Variants in CMIP observed in about 807,000 individuals in gnomAD.
The protein encoded by CMIP is C-Maf-inducing protein.
CMIP carries 13 observed loss-of-function variants against 97.3 expected under a neutral mutation model. The ratio of observed to expected loss-of-function variants is 0.13; its 90% CI spans 0.09 to 0.21. The LOEUF (loss-of-function observed/expected upper bound fraction) is 0.21, where lower values mean the gene tolerates loss of function less well. Ranked by LOEUF, CMIP falls within the 10% of genes least tolerant of loss-of-function variation. The pLI, the probability that CMIP is intolerant of heterozygous loss-of-function variation, is 1.00. For synonymous variants in CMIP, 538 were observed against 436.3 expected (o/e 1.23, Z -2.91); for missense variants, 847 against 1,024.9 (o/e 0.83, Z 2.37).
At chr16:81,495,435 A>C in intron 1 of CMIP, 2 of 1,608,692 alleles carry the variant, frequency 1.2e-6, no homozygotes, top group Non-Finnish European at 8.5e-7. Context: ...GTTTCCTGCG[A>C]GGAGGGAAGT....
chr16:81,650,217 C>T (rs950764237), intron 3 of CMIP, among the ~76,000 whole-genome samples: 4 of 152,340 alleles, frequency 2.6e-5, no homozygotes, highest in African/African-American at 9.6e-5. Context: ...CAATGGCTGG[C>T]AAGTGAATGT....
chr16:81,581,862 C>CT (rs1166948900), intron 1 of CMIP, among the ~76,000 whole-genome samples: 15 of 152,282 alleles, frequency 9.9e-5, no homozygotes, highest in African/African-American at 3.6e-4. Flanking sequence ...GCAGAGGGGC[C>CT]TTGTATTAAT....
intron 2 of CMIP, among the ~76,000 whole-genome samples, chr16:81,615,529 TTG>T (rs1305952314): frequency 1.3e-4 from 19 of 142,492 alleles, no homozygotes; most frequent in Admixed American, 1.0e-3. Flanking sequence ...GTATGTGTTT[TTG>T]TGTGTGGTAT....
In CMIP at chr16:81,614,963, TTG is replaced by T. The variant is rs2091890333; in HGVS notation, c.427-5908_427-5907del. 6.6e-6 allele frequency among the ~76,000 whole-genome samples: 1 copy of T among 150,380 alleles called. No individual in the cohort carries two copies. Among genetic ancestry groups the T allele is most frequent in the African/African-American group, 2.5e-5 (1 of 40,734 alleles). On this transcript the variant is annotated intron_variant, in intron 2 of 20. Transcript: ENST00000537098. The surrounding 1 kb of genome is among the most constrained non-coding windows in gnomAD (Gnocchi z 5.3). ...GTGGTGTGTGCATGTGTGTGGTGTGTTGTGTGATATGTGACGTGTGTGTGTGG... is the reference window on the plus strand; with the variant it reads ...GTGGTGTGTGCATGTGTGTGGTGTGTTGTGATATGTGACGTGTGTGTGTGG...
chr16:81,489,724 AG>A (rs1476542560), intron 1 of CMIP, among the ~76,000 whole-genome samples: 1 of 152,026 alleles, frequency 6.6e-6, no homozygotes, highest in Non-Finnish European at 1.5e-5. Context: ...TCGTTCAGGG[AG>A]GGGGAGAGAG....
intron 1 of CMIP, among the ~76,000 whole-genome samples, chr16:81,563,143 G>T (rs1461786371): frequency 1.3e-5 from 2 of 152,258 alleles, no homozygotes; most frequent in Non-Finnish European, 2.9e-5. Context: ...CATCTGCCAA[G>T]AGGGGGCTTT....
At chr16:81,565,700 G>T (rs926291188) in intron 1 of CMIP, among the ~76,000 whole-genome samples, 14 of 152,138 alleles carry the variant, frequency 9.2e-5, no homozygotes, top group African/African-American at 3.1e-4. Flanking sequence ...GGGGCAGGGA[G>T]TGACACAAAG....
chr16:81,512,297 G>GC (rs1567551818), intron 1 of CMIP, among the ~76,000 whole-genome samples: 1 of 152,064 alleles, frequency 6.6e-6, no homozygotes, highest in Non-Finnish European at 1.5e-5. Context: ...TCATGCCTTG[G>GC]TGGGGGTCTT....
intron 3 of CMIP, among the ~76,000 whole-genome samples, chr16:81,622,966 G>A (rs899367311): frequency 1.3e-5 from 2 of 152,252 alleles, no homozygotes; most frequent in African/African-American, 4.8e-5. Flanking sequence ...CACTTTGGGA[G>A]GCCAAAGCAG....
chr16:81,553,388 G>A (rs1336122194), intron 1 of CMIP, among the ~76,000 whole-genome samples: 1 of 152,194 alleles, frequency 6.6e-6, no homozygotes. Context: ...AGCAGGACTG[G>A]GCAGGCTGGG....
chr16:81,641,284 T>A (rs1404455195), intron 3 of CMIP, among the ~76,000 whole-genome samples: 1 of 152,160 alleles, frequency 6.6e-6, no homozygotes, highest in African/African-American at 2.4e-5. Context: ...CACTGCCTGT[T>A]CTACCTGCAA....
chr16:81,552,055 C>T (rs867416631), intron 1 of CMIP, among the ~76,000 whole-genome samples: 12 of 152,164 alleles, frequency 7.9e-5, no homozygotes, highest in East Asian at 1.9e-4. Flanking sequence ...GGGAGCCCAG[C>T]GCTGGCAGCT....
chr16:81,502,227 C>G (rs991383955), intron 1 of CMIP, among the ~76,000 whole-genome samples: 1 of 152,226 alleles, frequency 6.6e-6, no homozygotes, highest in Non-Finnish European at 1.5e-5. Flanking sequence ...TGCAGCATAA[C>G]AAGGATTAGG....
At chr16:81,523,601 G>T (rs561954235) in intron 1 of CMIP, among the ~76,000 whole-genome samples, 1 of 152,340 alleles carries the variant, frequency 6.6e-6, no homozygotes. Flanking sequence ...CAGCCCAACC[G>T]TGGTTGCCTC....
chr16:81,705,590 T>C lies in CMIP; in HGVS notation c.2183T>C (p.Leu728Pro). The change falls in exon 19 of 21, where the codon CTG becomes CCG. Residue 728 changes from leucine to proline, a missense_variant. Coordinates refer to ENST00000537098, the MANE Select transcript of CMIP (RefSeq NM_198390.3). ...GAGACCCCGGTCACAGACGCTGGCC[T>C]GCTGGCCCTGAGCTGTGAGTGCCTC... The part of the protein sequence containing the change: ...LCETPVTDAG[L>P]LALSSMKSLC... The C allele has an allele frequency of 6.2e-7, 1 of 1,601,954 alleles. No homozygotes were observed. The highest frequency in any genetic ancestry group is 1.1e-5 in the South Asian group (1 of 89,118).
intron 1 of CMIP, among the ~76,000 whole-genome samples, chr16:81,604,860 G>T (rs1320755208): frequency 6.6e-6 from 1 of 152,156 alleles, no homozygotes; most frequent in Non-Finnish European, 1.5e-5. Context: ...TGTGGGTGGT[G>T]CTTACAGTTA....
intron 1 of CMIP, among the ~76,000 whole-genome samples, chr16:81,490,969 G>C (rs2089395995): frequency 6.6e-6 from 1 of 152,100 alleles, no homozygotes; most frequent in Admixed American, 6.5e-5. Flanking sequence ...TGGCTGTGTG[G>C]AGGCTCCAAG....
At chr16:81,694,827 A>T (rs938141457) in intron 13 of CMIP, among the ~76,000 whole-genome samples, 6 of 152,184 alleles carry the variant, frequency 3.9e-5, no homozygotes, top group Non-Finnish European at 4.4e-5. Flanking sequence ...AAACACCGCA[A>T]TTCTAAACAC....
intron 1 of CMIP, among the ~76,000 whole-genome samples, chr16:81,535,403 G>T (rs1354880164): frequency 6.6e-6 from 1 of 150,926 alleles, no homozygotes; most frequent in Admixed American, 6.6e-5. Context: ...CGTGGGCTGT[G>T]TCTCATGATG....
Sources: gnomAD v4.1 joint callset for allele counts (sites outside exome capture counted in the v4.1 genomes callset) on GRCh38, gnomAD v4.1.1 for gene constraint, Gnocchi (gnomAD v3.1) non-coding constraint, MANE v1.5 for transcripts, NCBI Gene and HGNC (gene_info 2026-07-23, HGNC 2026-07-21) for gene names.